Variants in C8orf34 observed in about 807,000 individuals in gnomAD.
C8orf34 encodes the protein uncharacterized protein C8orf34.
Under a neutral mutation model 68.3 loss-of-function variants are expected in C8orf34, and 65 were observed. That is an observed-to-expected ratio of 0.95 (90% confidence interval 0.78 to 1.17). The LOEUF (loss-of-function observed/expected upper bound fraction) is 1.17, where lower values mean the gene tolerates loss of function less well. Ranked by LOEUF, C8orf34 falls within the 50% of genes most tolerant of loss-of-function variation. The probability of loss-of-function intolerance (pLI) is 0.00; values close to 1 mark genes in which losing one functional copy is unlikely to be tolerated. For synonymous variants in C8orf34, 244 were observed against 241.2 expected (o/e 1.01, Z -0.11); for missense variants, 664 against 655.4 (o/e 1.01, Z -0.14).
chr8:68,398,057 C>T (rs1808794534), intron 1 of C8orf34, among the ~76,000 whole-genome samples: 2 of 152,164 alleles, frequency 1.3e-5, no homozygotes, highest in Admixed American at 6.5e-5. Flanking sequence ...GCGTGAGCCA[C>T]TGCACCTGGC....
chr8:68,806,131 C>A (rs1824475029), intron 12 of C8orf34, among the ~76,000 whole-genome samples: 1 of 151,992 alleles, frequency 6.6e-6, no homozygotes, highest in African/African-American at 2.4e-5. Flanking sequence ...ATCTCTTCAT[C>A]CCGAATTTTA....
chr8:68,585,126 A>C (rs998437379), intron 7 of C8orf34, among the ~76,000 whole-genome samples: 1 of 152,152 alleles, frequency 6.6e-6, no homozygotes, highest in Non-Finnish European at 1.5e-5. Flanking sequence ...AGCACTGGGC[A>C]GTCTGAGAAG....
intron 1 of C8orf34, among the ~76,000 whole-genome samples, chr8:68,332,829 C>T (rs1265425964): frequency 1.3e-5 from 2 of 152,254 alleles, no homozygotes; most frequent in East Asian, 3.9e-4. Flanking sequence ...TTAACAAAGG[C>T]AATCCATGCA....
At chr8:68,599,031 GA>G (rs1272996394) in intron 7 of C8orf34, among the ~76,000 whole-genome samples, 2 of 147,232 alleles carry the variant, frequency 1.4e-5, no homozygotes, top group African/African-American at 5.0e-5. Flanking sequence ...AGTAGAAAAA[GA>G]AAAAAAAATA....
intron 12 of C8orf34, chr8:68,792,495 C>A (rs1392460870): frequency 7.0e-6 from 1 of 142,870 alleles, no homozygotes. Context: ...TCGTTTGAAC[C>A]CGGGAGGTGG....
rs544898878 is a variant in C8orf34 at position 68,439,894 on chromosome 8, A to G, written c.475+248A>G. 2.0e-5 allele frequency among the ~76,000 whole-genome samples: 3 copies of G among 152,318 alleles called. No individual in the cohort carries two copies. In the South Asian group the frequency reaches 6.2e-4, roughly 32 times the overall value. ...TAATACAGATAAGATTCAGATTTGC[A>G]TCAAAAGATTTTATCCTGTATAAAT... On this transcript the variant is annotated intron_variant, in intron 2 of 13. Transcript: ENST00000518698.
At chr8:68,346,681 A>G (rs951546760) in intron 1 of C8orf34, among the ~76,000 whole-genome samples, 2 of 152,124 alleles carry the variant, frequency 1.3e-5, no homozygotes, top group Admixed American at 6.6e-5. Context: ...AATGTTACAT[A>G]GTTGGAATCA....
intron 8 of C8orf34, among the ~76,000 whole-genome samples, chr8:68,648,540 G>A (rs764981237): frequency 8.5e-5 from 13 of 152,140 alleles, no homozygotes; most frequent in African/African-American, 2.4e-4. Context: ...TCTTGTTTGC[G>A]TGGACTCATG....
At chr8:68,393,306 C>A (rs1808549939) in intron 1 of C8orf34, among the ~76,000 whole-genome samples, 1 of 152,144 alleles carries the variant, frequency 6.6e-6, no homozygotes, top group African/African-American at 2.4e-5. Context: ...AATCGACACA[C>A]TCTTCTTGGC....
intron 8 of C8orf34, among the ~76,000 whole-genome samples, chr8:68,651,992 A>G (rs1256131340): frequency 6.6e-6 from 1 of 152,186 alleles, no homozygotes; most frequent in African/African-American, 2.4e-5. Flanking sequence ...GTGCTAAGTG[A>G]TATCTATGGA....
At chr8:68,787,916 T>G (rs1823889836) in intron 12 of C8orf34, among the ~76,000 whole-genome samples, 1 of 152,230 alleles carries the variant, frequency 6.6e-6, no homozygotes. Context: ...TTATACTCAT[T>G]AGTTAAATGA....
At chr8:68,723,753 A>G (rs543935779) in intron 10 of C8orf34, among the ~76,000 whole-genome samples, 6 of 152,230 alleles carry the variant, frequency 3.9e-5, no homozygotes, top group African/African-American at 1.4e-4. Context: ...TCCCATCAAG[A>G]TATATCCTGT....
chr8:68,377,272 T>C (rs1807842879), intron 1 of C8orf34, among the ~76,000 whole-genome samples: 1 of 152,042 alleles, frequency 6.6e-6, no homozygotes, highest in Admixed American at 6.6e-5. Context: ...GGCATGCACC[T>C]GTGGTGTCTC....
intron 7 of C8orf34, among the ~76,000 whole-genome samples, chr8:68,601,558 C>G (rs191994955): frequency 6.6e-6 from 1 of 152,030 alleles, no homozygotes; most frequent in Non-Finnish European, 1.5e-5. Context: ...ATATTTTTAA[C>G]TTTTATAATT....
chr8:68,733,844 A>G (rs1822051320), intron 10 of C8orf34, among the ~76,000 whole-genome samples: 1 of 152,186 alleles, frequency 6.6e-6, no homozygotes, highest in Admixed American at 6.6e-5. Flanking sequence ...AGATAACACA[A>G]ACTGCTTGGG....
rs1178569966 is a variant in C8orf34, at chr8:68,468,678, T to C, written c.608-14T>C. On this transcript the variant is annotated splice_polypyrimidine_tract_variant and intron_variant, in intron 3 of 13. Transcript: ENST00000518698. ...GTAGCATGCTTATGAAATTACCATTTTTTTTAAACATAGTGCCAAGGTCAG... is the reference window on the plus strand; with the variant it reads ...GTAGCATGCTTATGAAATTACCATTCTTTTTAAACATAGTGCCAAGGTCAG... 6.2e-7 allele frequency: 1 copy of C among 1,607,960 alleles called. No individual in the cohort carries two copies. Among genetic ancestry groups the C allele is most frequent in the Non-Finnish European group, 8.5e-7 (1 of 1,177,694 alleles).
intron 9 of C8orf34, among the ~76,000 whole-genome samples, chr8:68,710,502 G>A (rs1821301387): frequency 6.6e-6 from 1 of 152,114 alleles, no homozygotes; most frequent in Non-Finnish European, 1.5e-5. Flanking sequence ...TCCTGTGACT[G>A]CTGGCTTTCC....
intron 8 of C8orf34, among the ~76,000 whole-genome samples, chr8:68,697,589 G>A (rs1171746647): frequency 1.3e-5 from 2 of 152,050 alleles, no homozygotes; most frequent in African/African-American, 4.8e-5. Context: ...GCTTGCTTAT[G>A]AATGAGTTTT....
At chr8:68,812,587 C>G (rs1824684181) in intron 12 of C8orf34, among the ~76,000 whole-genome samples, 1 of 152,048 alleles carries the variant, frequency 6.6e-6, no homozygotes. Context: ...TTATACATCA[C>G]TTCTACCTAA....
Sources: allele counts gnomAD v4.1 joint callset (sites outside exome capture counted in the v4.1 genomes callset), GRCh38; gene constraint gnomAD v4.1.1; transcripts MANE v1.5; gene names NCBI Gene and HGNC (gene_info 2026-07-23, HGNC 2026-07-21).